Variants in CSMD3 observed in about 807,000 individuals in gnomAD.
The protein encoded by CSMD3 is CUB and sushi domain-containing protein 3.
In CSMD3, 177 loss-of-function variants were observed where a neutral mutation model predicts 435.2. That is an observed-to-expected ratio of 0.41 (90% confidence interval 0.36 to 0.46). CSMD3 has a LOEUF of 0.46. Ranked by LOEUF, CSMD3 falls within the 20% of genes least tolerant of loss-of-function variation. The pLI is 0.34. For synonymous variants in CSMD3, 1,656 were observed against 1,520.5 expected (o/e 1.09, Z -2.07); for missense variants, 4,265 against 4,504.6 (o/e 0.95, Z 1.52).
intron 1 of CSMD3, among the ~76,000 whole-genome samples, chr8:113,360,899 T>C (rs1280074492): frequency 1.3e-5 from 2 of 152,186 alleles, no homozygotes; most frequent in Non-Finnish European, 2.9e-5. Flanking sequence ...TGAAATTTCC[T>C]TGTCTAGCAA....
At chr8:112,360,318 C>T (rs1016061013) in intron 38 of CSMD3, among the ~76,000 whole-genome samples, 1 of 151,936 alleles carries the variant, frequency 6.6e-6, no homozygotes, top group Non-Finnish European at 1.5e-5. Context: ...CAGTTTCCTT[C>T]TCCAAGAGGA....
intron 3 of CSMD3, among the ~76,000 whole-genome samples, chr8:113,224,338 G>C (rs1283821854): frequency 6.6e-6 from 1 of 150,952 alleles, no homozygotes; most frequent in Non-Finnish European, 1.5e-5. Flanking sequence ...TTCATCTATA[G>C]ACATCTACAA....
At chr8:112,782,410 A>G (rs2078413594) in intron 13 of CSMD3, among the ~76,000 whole-genome samples, 1 of 152,096 alleles carries the variant, frequency 6.6e-6, no homozygotes, top group Non-Finnish European at 1.5e-5. Flanking sequence ...AAAAGAAAAA[A>G]GAATAAAAAT....
chr8:113,212,697 T>C (rs957110539), intron 3 of CSMD3, among the ~76,000 whole-genome samples: 1 of 151,366 alleles, frequency 6.6e-6, no homozygotes, highest in Non-Finnish European at 1.5e-5. Context: ...ATGAGAACAC[T>C]TGGACACAGG....
rs192013252 is a variant in CSMD3, at chr8:112,709,170, G to A, written c.1973-19120C>T. Among the ~76,000 whole-genome samples the A allele has an allele frequency of 4.5e-3, 681 of 152,056 alleles. 1 individual carries two copies. Among genetic ancestry groups the A allele is most frequent in the African/African-American group, 0.014 (596 of 41,502 alleles). On this transcript the variant is annotated intron_variant, in intron 13 of 70. Transcript: ENST00000297405. Reference sequence around the variant, plus strand: ...ACAAAAATAAATAACTGCAAAATACGTTTCATAGTAAAATACATATCCCCA... The same window carrying A: ...ACAAAAATAAATAACTGCAAAATACATTTCATAGTAAAATACATATCCCCA...
At chr8:112,572,905 CAATTGATGA>C (rs1210392002) in intron 24 of CSMD3, among the ~76,000 whole-genome samples, 3 of 38,392 alleles carry the variant, frequency 7.8e-5, no homozygotes, top group Non-Finnish European at 1.4e-4. Context: ...ATTCATATAA[CAATTGATGA>C]AACCCACCCT....
chr8:112,273,578 T>G lies in CSMD3; in HGVS notation c.9508+7596A>C, dbSNP rs746443576. Among the ~76,000 whole-genome samples, 276 of 151,706 alleles carry G rather than the reference T, an allele frequency of 1.8e-3. 1 individual carries two copies. Among genetic ancestry groups the G allele is most frequent in the Middle Eastern group, 6.8e-3 (2 of 292 alleles). The stretch of plus-strand genomic sequence containing the variant: ...GTCTCTACTAAAAATACAAAAAAAA[T>G]AGCCAGGCTTGGTGGCAGGCGCCTG... On this transcript the variant is annotated intron_variant, in intron 59 of 70. Coordinates refer to ENST00000297405, the MANE Select transcript of CSMD3 (RefSeq NM_198123.2).
chr8:112,264,038 G>A (rs1816698311), intron 60 of CSMD3, among the ~76,000 whole-genome samples: 1 of 152,090 alleles, frequency 6.6e-6, no homozygotes. Context: ...GGTTGTCAGA[G>A]ATTCTCTTAC....
At chr8:112,408,144 T>C (rs937357870) in intron 34 of CSMD3, among the ~76,000 whole-genome samples, 174 bp downstream of exon 34, 1 of 151,972 alleles carries the variant, frequency 6.6e-6, no homozygotes, top group Non-Finnish European at 1.5e-5. Flanking sequence ...ATGGAAGCAA[T>C]AGATTTTGTT....
intron 2 of CSMD3, among the ~76,000 whole-genome samples, chr8:113,308,299 CG>C (rs1346682839): frequency 9.8e-6 from 1 of 101,552 alleles, no homozygotes; most frequent in East Asian, 3.4e-4. Flanking sequence ...GATGGAGTCT[CG>C]CTCCGTCACC....
chr8:113,194,271 T>C (rs769639643), intron 3 of CSMD3, among the ~76,000 whole-genome samples: 1 of 151,322 alleles, frequency 6.6e-6, no homozygotes, highest in African/African-American at 2.4e-5. Flanking sequence ...CTATAATATG[T>C]AACTAAATGT....
At chr8:112,459,213 C>T (rs139932910) in intron 32 of CSMD3, among the ~76,000 whole-genome samples, 1 of 152,148 alleles carries the variant, frequency 6.6e-6, no homozygotes, top group East Asian at 1.9e-4. Flanking sequence ...CGATTTTCAG[C>T]ATACTGCAGT....
chr8:112,462,360 A>T (rs189778105), intron 32 of CSMD3, among the ~76,000 whole-genome samples: 11 of 152,360 alleles, frequency 7.2e-5, no homozygotes, highest in Non-Finnish European at 1.3e-4. Context: ...ACCACTGTTT[A>T]AACAAATTGT....
intron 16 of CSMD3, among the ~76,000 whole-genome samples, chr8:112,671,917 C>T (rs1375642411): frequency 6.6e-6 from 1 of 151,964 alleles, no homozygotes; most frequent in Non-Finnish European, 1.5e-5. Context: ...CTCTCCACTA[C>T]TATTATTCAT....
intron 53 of CSMD3, 63 bp from the exon 54 acceptor site, chr8:112,296,069 A>G (rs1251743350): frequency 1.6e-6 from 2 of 1,288,166 alleles, no homozygotes; most frequent in Admixed American, 3.7e-5. Flanking sequence ...ATATTTATAT[A>G]CATGTGGAAC....
chr8:112,851,766 A>G (rs2080496620), intron 11 of CSMD3, among the ~76,000 whole-genome samples: 1 of 151,878 alleles, frequency 6.6e-6, no homozygotes, highest in Non-Finnish European at 1.5e-5. Context: ...TCCATCTCAA[A>G]AAAAAAAAAG....
At chr8:112,899,834 G>T (rs1335242841) in intron 10 of CSMD3, among the ~76,000 whole-genome samples, 1 of 145,778 alleles carries the variant, frequency 6.9e-6, no homozygotes, top group Non-Finnish European at 1.5e-5. Flanking sequence ...TATATATATG[G>T]AGAGAGAGAG....
intron 6 of CSMD3, among the ~76,000 whole-genome samples, chr8:113,006,077 C>T (rs972139829): frequency 6.6e-6 from 1 of 152,016 alleles, no homozygotes; most frequent in Non-Finnish European, 1.5e-5. Flanking sequence ...ATCTAGCAAC[C>T]ACTGACACTT....
intron 57 of CSMD3, among the ~76,000 whole-genome samples, chr8:112,289,113 T>C (rs1031733012): frequency 6.6e-6 from 1 of 152,094 alleles, no homozygotes; most frequent in Non-Finnish European, 1.5e-5. Flanking sequence ...CCTAAAACCA[T>C]AAATTCTTTA....
Sources: gnomAD v4.1 joint callset for allele counts (sites outside exome capture counted in the v4.1 genomes callset) on GRCh38, gnomAD v4.1.1 for gene constraint, MANE v1.5 for transcripts, NCBI Gene and HGNC (gene_info 2026-07-23, HGNC 2026-07-21) for gene names.